CNOT10: variants seen among roughly 807,000 people sequenced by gnomAD.
CNOT10 encodes CCR4-NOT transcription complex subunit 10, also known as CCR4-NOT transcription complex, subunit 10.
Under a neutral mutation model 94.6 loss-of-function variants are expected in CNOT10, and 30 were observed. That is an observed-to-expected ratio of 0.32 (90% CI 0.24 to 0.43). The LOEUF (loss-of-function observed/expected upper bound fraction) is 0.43, where lower values mean the gene tolerates loss of function less well. CNOT10 is among the 20% of genes least tolerant of loss of function. CNOT10 has a pLI of 1.00. For synonymous variants in CNOT10, 289 were observed against 301.6 expected (o/e 0.96, Z 0.43); for missense variants, 759 against 877.2 (o/e 0.87, Z 1.70).
Position 32,754,690 on chromosome 3 carries a change from T to C in CNOT10, c.1596-4768T>C, listed in dbSNP as rs569819276. On this transcript the variant is annotated intron_variant, in intron 13 of 18. Coordinates refer to ENST00000328834, the MANE Select transcript of CNOT10 (RefSeq NM_015442.3). ...GCATGCGCTACCACGCCCAGCTAAT[T>C]TTTGTATTTTTGGTAGAGACGGGGT... Among the ~76,000 whole-genome samples, 591 of 147,412 alleles carry C rather than the reference T, an allele frequency of 4.0e-3. 2 individuals carry two copies. The highest frequency in any genetic ancestry group is 6.1e-3 in the Non-Finnish European group (410 of 67,012).
intron 13 of CNOT10, among the ~76,000 whole-genome samples, chr3:32,747,250 T>G (rs1029686390): frequency 5.3e-5 from 8 of 151,956 alleles, no homozygotes; most frequent in African/African-American, 1.9e-4. Context: ...ACTCTGTCTC[T>G]ACTAAAAATG....
At chr3:32,687,469 T>C (rs1696672971) in intron 1 of CNOT10, among the ~76,000 whole-genome samples, 1 of 131,648 alleles carries the variant, frequency 7.6e-6, no homozygotes, top group Non-Finnish European at 1.6e-5. Context: ...TTTTTTTTTT[T>C]GAGACGGAGT....
intron 13 of CNOT10, among the ~76,000 whole-genome samples, chr3:32,751,087 T>C (rs986597588): frequency 6.6e-6 from 1 of 151,736 alleles, no homozygotes; most frequent in Non-Finnish European, 1.5e-5. Flanking sequence ...AATCAAAGCA[T>C]ACAAAATTTC....
rs145178319 is a variant in CNOT10 at position 32,708,696 on chromosome 3, T to C, written c.306T>C (p.Asp102=). 1.6e-5 allele frequency: 25 copies of C among 1,612,308 alleles called. No homozygotes were observed. The African/African-American group carries it at 2.4e-4, about 15-fold the overall frequency. ...NQVHSAVEEM[D]GLDDVENSML... is the part of the protein sequence containing the mutation. ...TCCACTCAGCTGTTGAAGAAATGGA[T>C]GGATTAGATGATGTTGAAAACAGCA... Residue 102 remains aspartate (D), a synonymous_variant, in exon 4 of 19, where the codon GAT becomes GAC. Transcript: ENST00000328834.
At chr3:32,737,590 C>T (rs1190890490) in intron 13 of CNOT10, 100 bp downstream of exon 13, 10 of 665,388 alleles carry the variant, frequency 1.5e-5, no homozygotes, top group South Asian at 3.9e-5. Flanking sequence ...TTTGGGAGGC[C>T]GAGGCTGGTG....
At position 32,737,460 on chromosome 3, in the gene CNOT10, CA is replaced by C. The variant is rs1344450357; in HGVS notation, c.1566del (p.Leu523Ter). ...TTCATTCCAGCTCCACCTTCTTCTC[CA>C]TTGAGAAAACAGGAATTAGAAAACT... is the stretch of plus-strand genomic sequence containing the variant. Reference protein sequence around the residue: ...DKFIPAPPSSPLRKQELENLK... With the variant: ...DKFIPAPPSSXLRKQELENLK... On this transcript the variant is annotated frameshift_variant, in exon 13 of 19. Coordinates refer to ENST00000328834, the MANE Select transcript of CNOT10 (RefSeq NM_015442.3). LOFTEE classifies it high-confidence loss of function. 1.9e-6 allele frequency: 3 copies of C among 1,611,070 alleles called. No homozygotes were observed. Among genetic ancestry groups the C allele is most frequent in the Non-Finnish European group, 2.5e-6 (3 of 1,177,686 alleles).
At chr3:32,728,752 G>T (rs889387863) in intron 10 of CNOT10, among the ~76,000 whole-genome samples, 1 of 152,186 alleles carries the variant, frequency 6.6e-6, no homozygotes, top group African/African-American at 2.4e-5. Context: ...TGCTCCAGGG[G>T]TCAGGATACA....
At chr3:32,691,608 C>T (rs1696853028) in intron 1 of CNOT10, among the ~76,000 whole-genome samples, 4 of 152,188 alleles carry the variant, frequency 2.6e-5, no homozygotes, top group African/African-American at 9.6e-5. Flanking sequence ...CTAGCTATGA[C>T]TTTTAATGTT....
intron 11 of CNOT10, among the ~76,000 whole-genome samples, chr3:32,734,507 G>A (rs75876281): frequency 0.061 from 9,328 of 152,144 alleles, 334 homozygotes; most frequent in African/African-American, 0.09. Context: ...AGTTTCTCTA[G>A]TATGTTAACA....
At chr3:32,762,973 G>C (rs1431011653) in intron 15 of CNOT10, 110 bp downstream of exon 15, 3 of 1,243,666 alleles carry the variant, frequency 2.4e-6, no homozygotes, top group Non-Finnish European at 3.2e-6. Flanking sequence ...GAAAGTTTTA[G>C]GTTGGCTTTC....
chr3:32,695,442 A>G, intron 1 of CNOT10: 1 of 791,854 alleles, frequency 1.3e-6, no homozygotes. Context: ...TCTTTTCTTG[A>G]TATATCAGTG....
intron 10 of CNOT10, among the ~76,000 whole-genome samples, chr3:32,729,710 T>G (rs905539036): frequency 1.8e-4 from 27 of 152,266 alleles, no homozygotes; most frequent in Admixed American, 4.6e-4. Flanking sequence ...GACAACTTTC[T>G]TATTGGTTAA....
At chr3:32,768,942 T>C (rs538764443) in intron 17 of CNOT10, 7 of 152,362 alleles carry the variant, frequency 4.6e-5, no homozygotes, top group African/African-American at 1.7e-4. Context: ...AGGCCTCCCT[T>C]ACCCCAAAGC....
At chr3:32,728,708 A>G (rs1698796022) in intron 10 of CNOT10, among the ~76,000 whole-genome samples, 1 of 152,214 alleles carries the variant, frequency 6.6e-6, no homozygotes, top group African/African-American at 2.4e-5. Flanking sequence ...AGCCAGTGAG[A>G]AAGTCATGTA....
chr3:32,735,106 A>G, intron 12 of CNOT10, 130 bp downstream of exon 12: 1 of 759,540 alleles, frequency 1.3e-6, no homozygotes, highest in Non-Finnish European at 2.1e-6. Flanking sequence ...GTAACAAGAA[A>G]GGAAAGTATT....
At chr3:32,763,080 G>A (rs962104208) in intron 15 of CNOT10, among the ~76,000 whole-genome samples, 2 of 152,184 alleles carry the variant, frequency 1.3e-5, no homozygotes, top group Non-Finnish European at 2.9e-5. Flanking sequence ...TGAAAGGCTG[G>A]TACTGTTAGA....
chr3:32,697,068 A>G (rs1443566634), intron 1 of CNOT10, among the ~76,000 whole-genome samples: 1 of 151,458 alleles, frequency 6.6e-6, no homozygotes, highest in East Asian at 1.9e-4. Flanking sequence ...CTCCTGCCAC[A>G]GCCTCCCAAG....
At chr3:32,703,789 G>A in intron 1 of CNOT10, 79 bp from the exon 2 acceptor site, 1 of 943,382 alleles carries the variant, frequency 1.1e-6, no homozygotes, top group Non-Finnish European at 1.7e-6. Context: ...AACTGAAACT[G>A]CAGAAAGTGA....
At chr3:32,744,801 A>C (rs1699623110) in intron 13 of CNOT10, among the ~76,000 whole-genome samples, 2 of 152,262 alleles carry the variant, frequency 1.3e-5, no homozygotes, top group South Asian at 4.1e-4. Context: ...TCAGATATAA[A>C]ATTCCTTACA....
Sources: allele counts gnomAD v4.1 joint callset (sites outside exome capture counted in the v4.1 genomes callset), GRCh38; gene constraint gnomAD v4.1.1; transcripts MANE v1.5; gene names NCBI Gene and HGNC (gene_info 2026-07-23, HGNC 2026-07-21).